Variants in TMEM87A observed in about 807,000 individuals in gnomAD.
TMEM87A encodes transmembrane protein 87A, also known as Golgi-pH regulating cation channel.
A neutral mutation model predicts 90.0 loss-of-function variants in TMEM87A; 50 were observed. That is an observed-to-expected ratio of 0.56 (90% CI 0.44 to 0.70). The LOEUF is 0.70. Among genes scored for constraint, TMEM87A ranks in the 30% least tolerant of loss-of-function variants. TMEM87A has a pLI of 0.00. For synonymous variants in TMEM87A, 226 were observed against 226.7 expected (o/e 1.00, Z 0.03); for missense variants, 577 against 660.5 (o/e 0.87, Z 1.39).
intron 6 of TMEM87A, among the ~76,000 whole-genome samples, chr15:42,247,516 T>C (rs1016726838): frequency 5.9e-5 from 9 of 152,220 alleles, no homozygotes; most frequent in African/African-American, 7.2e-5. Flanking sequence ...CCTAGCCAGT[T>C]TTCCCAGCAC....
chr15:42,247,563 T>C (rs2051001250), intron 6 of TMEM87A, among the ~76,000 whole-genome samples: 1 of 152,208 alleles, frequency 6.6e-6, no homozygotes, highest in South Asian at 2.1e-4. Context: ...CCATTTCTTG[T>C]TTTTGTCAGG....
At chr15:42,264,351 T>C (rs2051356398) in intron 3 of TMEM87A, 148 bp from the exon 4 acceptor site, 1 of 583,196 alleles carries the variant, frequency 1.7e-6, no homozygotes, top group African/African-American at 1.9e-5. Flanking sequence ...AAAGGCTCTA[T>C]ATAAAAATAT....
At chr15:42,248,358 G>T (rs563852180) in intron 6 of TMEM87A, among the ~76,000 whole-genome samples, 29 of 152,226 alleles carry the variant, frequency 1.9e-4, no homozygotes, top group African/African-American at 6.7e-4. Flanking sequence ...CCTGTCTTCT[G>T]CCAGTTTTCA....
At chr15:42,244,025 C>A (rs1275650844) in intron 7 of TMEM87A, 25 bp downstream of exon 7, 9 of 1,377,204 alleles carry the variant, frequency 6.5e-6, no homozygotes, top group East Asian at 2.4e-5. Flanking sequence ...AATAACATAA[C>A]CATTAAAAAA....
chr15:42,271,455 T>C (rs920127818), intron 2 of TMEM87A: 4 of 152,216 alleles, frequency 2.6e-5, no homozygotes, highest in African/African-American at 9.7e-5. Context: ...CTACATAACA[T>C]TTCAGTAAAT....
intron 3 of TMEM87A, among the ~76,000 whole-genome samples, chr15:42,266,373 G>A (rs752935792): frequency 4.6e-5 from 7 of 152,158 alleles, no homozygotes; most frequent in Admixed American, 1.3e-4. Flanking sequence ...AAAATTAGCC[G>A]GGTGTGGTGG....
chr15:42,211,622 A>C lies in TMEM87A; in HGVS notation c.*86T>G. 7.5e-7 allele frequency: 1 copy of C among 1,341,068 alleles called. No homozygotes were observed. Among genetic ancestry groups the C allele is most frequent in the Non-Finnish European group, 1.1e-6 (1 of 951,958 alleles). 83.1% of individuals were successfully genotyped at this position (1,341,068 alleles called of 1,614,324 possible). A position where few individuals can be genotyped will look rare whatever the true frequency, so the allele number is the denominator to read the frequency against. Reference sequence around the variant, plus strand: ...GATCAGGATGTCATTGCTTCCTTTAATCCCATGGAGCCGTACAGAAGACTG... The same window carrying C: ...GATCAGGATGTCATTGCTTCCTTTACTCCCATGGAGCCGTACAGAAGACTG... On this transcript the variant is annotated 3_prime_UTR_variant, in exon 20 of 20. Transcript: ENST00000389834.
chr15:42,254,027 T>G (rs1386939248), intron 6 of TMEM87A, among the ~76,000 whole-genome samples: 4 of 152,180 alleles, frequency 2.6e-5, no homozygotes, highest in African/African-American at 9.7e-5. Context: ...AATTATTTTG[T>G]TCTCCATAAC....
chr15:42,233,424 C>T (rs1368670554), intron 10 of TMEM87A, 118 bp from the exon 11 acceptor site: 23 of 675,208 alleles, frequency 3.4e-5, no homozygotes, highest in Non-Finnish European at 5.7e-5. Context: ...AAATAATATA[C>T]ACTTGATTCA....
Position 42,244,042 on chromosome 15 carries a change from G to A in TMEM87A, c.622+8C>T. 1 of 1,502,726 alleles carries A rather than the reference G, an allele frequency of 6.7e-7. No individual in the cohort carries two copies. Among genetic ancestry groups the A allele is most frequent in the Non-Finnish European group, 9.0e-7 (1 of 1,116,366 alleles). The allele number at this position is 1,502,726 out of a possible 1,614,324, so 93.1% of individuals were successfully genotyped here. A position where few individuals can be genotyped will look rare whatever the true frequency, so the allele number is the denominator to read the frequency against. ...TAACATAACCATTAAAAAAAAAACTGAACTTACTGGTAAAAAGATTACTCA... is the reference window on the plus strand; with the variant it reads ...TAACATAACCATTAAAAAAAAAACTAAACTTACTGGTAAAAAGATTACTCA... On this transcript the variant is annotated splice_region_variant and intron_variant, in intron 7 of 19. Transcript: ENST00000389834.
intron 10 of TMEM87A, among the ~76,000 whole-genome samples, 177 bp from the exon 11 acceptor site, chr15:42,233,483 A>G (rs766803133): frequency 4.5e-4 from 68 of 152,202 alleles, no homozygotes; most frequent in Non-Finnish European, 8.8e-4. Flanking sequence ...AAGATAGGGA[A>G]CACTACAACT....
At chr15:42,261,033 AT>A in intron 5 of TMEM87A, 31 bp from the exon 6 acceptor site, 3 of 1,582,604 alleles carry the variant, frequency 1.9e-6, no homozygotes, top group Non-Finnish European at 2.6e-6. Flanking sequence ...ATAATAATTA[AT>A]TCAGAACTTC....
At chr15:42,255,418 C>T (rs1219278846) in intron 6 of TMEM87A, among the ~76,000 whole-genome samples, 3 of 152,046 alleles carry the variant, frequency 2.0e-5, no homozygotes, top group Non-Finnish European at 2.9e-5. Flanking sequence ...AGATGTGAGC[C>T]ACCGCACCCG....
At chr15:42,237,145 T>C (rs1374687275) in intron 9 of TMEM87A, among the ~76,000 whole-genome samples, 1 of 152,216 alleles carries the variant, frequency 6.6e-6, no homozygotes, top group African/African-American at 2.4e-5. Context: ...AGATGTATAA[T>C]GGTGCCTTAG....
chr15:42,229,757 A>C (rs1371785785), intron 12 of TMEM87A, among the ~76,000 whole-genome samples: 1 of 152,162 alleles, frequency 6.6e-6, no homozygotes, highest in African/African-American at 2.4e-5. Flanking sequence ...ATTATTCTCA[A>C]GTAGAAGTTG....
Position 42,243,317 on chromosome 15 carries a change from A to AAATAAAT in TMEM87A, c.622+732_622+733insATTTATT, listed in dbSNP as rs1566932776. Among the ~76,000 whole-genome samples, 337 of 37,512 alleles carry AAATAAAT rather than the reference A, an allele frequency of 9.0e-3. 2 individuals carry two copies. Among genetic ancestry groups the AAATAAAT allele is most frequent in the East Asian group, 0.021 (21 of 1,004 alleles). 24.6% of individuals were successfully genotyped at this position (37,512 alleles called of 152,430 possible). On this transcript the variant is annotated intron_variant, in intron 7 of 19. Transcript: ENST00000389834. ...ATAAATAAATAAATAAATAAATAAAAAAAAAGAAAGCAGGGGAGGAAAGGA... is the reference window on the plus strand; with the variant it reads ...ATAAATAAATAAATAAATAAATAAAAAATAAATAAAAAGAAAGCAGGGGAGGAAAGGA...
At chr15:42,258,232 A>C in intron 6 of TMEM87A, 1 of 899,816 alleles carries the variant, frequency 1.1e-6, no homozygotes, top group Non-Finnish European at 1.3e-6. Flanking sequence ...TAAGCTACAA[A>C]AAAAAGTCAT....
In TMEM87A at chr15:42,233,302, G is replaced by GCCA. The variant is rs2050717490; in HGVS notation, c.972_973insTGG (p.Pro324_Arg325insTrp). On this transcript the variant is annotated inframe_insertion, in exon 11 of 20. Transcript: ENST00000389834. ...ACCTTATGAAGAGTGACTCCAAGGC[G>GCCA]TGGCCTAAAGAGGAAGCAAGGAGAT... 1.9e-6 allele frequency: 3 copies of GCCA among 1,613,124 alleles called. No individual in the cohort carries two copies. The highest frequency in any genetic ancestry group is 8.5e-7 in the Non-Finnish European group (1 of 1,179,610).
intron 6 of TMEM87A, chr15:42,258,943 A>C (rs1273097621): frequency 8.9e-7 from 1 of 1,124,362 alleles, no homozygotes; most frequent in Non-Finnish European, 1.3e-6. Flanking sequence ...AAATTATTAA[A>C]GTCTTTCAAC....
Sources: gnomAD v4.1 joint callset for allele counts (sites outside exome capture counted in the v4.1 genomes callset) on GRCh38, gnomAD v4.1.1 for gene constraint, MANE v1.5 for transcripts, NCBI Gene and HGNC (gene_info 2026-07-23, HGNC 2026-07-21) for gene names.